The following ARHGAP15 variants were observed in gnomAD, a reference collection of about 807,000 sequenced individuals.
The protein encoded by ARHGAP15 is rho GTPase-activating protein 15.
A neutral mutation model predicts 63.7 loss-of-function variants in ARHGAP15; 51 were observed. That is an observed-to-expected ratio of 0.80 (90% CI 0.64 to 1.01). The LOEUF is 1.01. Ranked by LOEUF, ARHGAP15 falls within the 50% of genes least tolerant of loss-of-function variation. ARHGAP15 has a pLI of 0.00. For synonymous variants in ARHGAP15, 191 were observed against 193.8 expected (o/e 0.99, Z 0.12); for missense variants, 560 against 564.6 (o/e 0.99, Z 0.08).
intron 6 of ARHGAP15, among the ~76,000 whole-genome samples, chr2:143,378,103 C>T (rs142165093): frequency 8.4e-4 from 128 of 151,984 alleles, no homozygotes; most frequent in African/African-American, 2.9e-3. Flanking sequence ...TGAAGGGTCC[C>T]CCTCACCAAT....
intron 1 of ARHGAP15, among the ~76,000 whole-genome samples, chr2:143,151,099 G>T (rs757965230): frequency 9.9e-5 from 15 of 151,946 alleles, no homozygotes; most frequent in African/African-American, 1.4e-4. Flanking sequence ...GGAGTTCCTC[G>T]TTCTCTTTGA....
intron 6 of ARHGAP15, among the ~76,000 whole-genome samples, chr2:143,398,774 TCA>T (rs1295599816): frequency 1.3e-3 from 20 of 15,222 alleles, no homozygotes; most frequent in African/African-American, 5.2e-3. Flanking sequence ...AAAAAAATCC[TCA>T]TTTTTTTTTT....
chr2:143,358,595 A>G (rs1282290239), intron 6 of ARHGAP15, among the ~76,000 whole-genome samples: 1 of 151,406 alleles, frequency 6.6e-6, no homozygotes, highest in Non-Finnish European at 1.5e-5. Context: ...ACAAACCTGG[A>G]CCTTATAGAA....
At chr2:143,251,920 A>T (rs1005193151) in intron 6 of ARHGAP15, among the ~76,000 whole-genome samples, 8 of 152,196 alleles carry the variant, frequency 5.3e-5, no homozygotes, top group Non-Finnish European at 1.2e-4. Context: ...TACTCTTATT[A>T]TTCTACCATA....
At chr2:143,654,366 A>T (rs1681325094) in intron 12 of ARHGAP15, among the ~76,000 whole-genome samples, 1 of 152,152 alleles carries the variant, frequency 6.6e-6, no homozygotes, top group South Asian at 2.1e-4. Context: ...GGTCACTATA[A>T]CTTACTCAAA....
At chr2:143,184,146 C>T (rs148904252) in intron 2 of ARHGAP15, among the ~76,000 whole-genome samples, 1 of 152,040 alleles carries the variant, frequency 6.6e-6, no homozygotes, top group Admixed American at 6.5e-5. Flanking sequence ...GAATAGCATT[C>T]GACAGGGTGA....
intron 10 of ARHGAP15, among the ~76,000 whole-genome samples, chr2:143,551,562 AT>A (rs1695564123): frequency 6.6e-6 from 1 of 152,016 alleles, no homozygotes; most frequent in Admixed American, 6.6e-5. Context: ...TGTATTTTTT[AT>A]TGTTTTTTTA....
At chr2:143,149,170 C>T (rs1311218799) in intron 1 of ARHGAP15, among the ~76,000 whole-genome samples, 2 of 152,000 alleles carry the variant, frequency 1.3e-5, no homozygotes, top group Admixed American at 1.3e-4. Context: ...AACAGCTCCT[C>T]TAATACATGT....
intron 6 of ARHGAP15, among the ~76,000 whole-genome samples, chr2:143,285,933 G>A (rs952433634): frequency 1.1e-4 from 17 of 151,870 alleles, no homozygotes; most frequent in Non-Finnish European, 1.9e-4. Flanking sequence ...TTTTACATCC[G>A]TACAATATTT....
At chr2:143,618,949 C>T (rs1486140837) in intron 11 of ARHGAP15, among the ~76,000 whole-genome samples, 5 of 152,000 alleles carry the variant, frequency 3.3e-5, no homozygotes, top group East Asian at 1.9e-4. Context: ...CTCAGCCTCC[C>T]GAGTAGCTGG....
At chr2:143,457,186 A>C (rs77617554) in intron 8 of ARHGAP15, among the ~76,000 whole-genome samples, 1 of 152,098 alleles carries the variant, frequency 6.6e-6, no homozygotes, top group Non-Finnish European at 1.5e-5. Context: ...AGAAATCTGC[A>C]TATGTACAAA....
chr2:143,376,744 G>T (rs1317820251), intron 6 of ARHGAP15, among the ~76,000 whole-genome samples: 1 of 151,520 alleles, frequency 6.6e-6, no homozygotes, highest in African/African-American at 2.4e-5. Flanking sequence ...ACTTTCTTCT[G>T]GCTTTCTGTT....
chr2:143,688,949 C>T (rs570415518), intron 12 of ARHGAP15, among the ~76,000 whole-genome samples: 4 of 152,196 alleles, frequency 2.6e-5, no homozygotes, highest in African/African-American at 9.6e-5. Flanking sequence ...TTCTTAGAAC[C>T]TCACTGTCAT....
At chr2:143,680,370 C>T (rs767184301) in intron 12 of ARHGAP15, among the ~76,000 whole-genome samples, 3 of 152,174 alleles carry the variant, frequency 2.0e-5, no homozygotes, top group Non-Finnish European at 4.4e-5. Flanking sequence ...GCTTAAATTC[C>T]AGCTTGGTAT....
At position 143,134,104 on chromosome 2, in the gene ARHGAP15, A is replaced by AATCT. The variant is rs70982842; in HGVS notation, c.-15+4684_-15+4687dup. ...GTCCATGTAATTGTTTCTATTTGAA[A>AATCT]ATCTATCTATCTATCTATCTATCTA... On this transcript the variant is annotated intron_variant, in intron 1 of 13. Coordinates refer to ENST00000295095, the MANE Select transcript of ARHGAP15 (RefSeq NM_018460.4). Among the ~76,000 whole-genome samples the AATCT allele has an allele frequency of 7.5e-3, 1,064 of 141,324 alleles. 7 individuals are homozygous for AATCT. The highest frequency in any genetic ancestry group is 0.023 in the East Asian group (116 of 5,024). The allele number at this position is 141,324 out of a possible 152,430, so 92.7% of individuals were successfully genotyped here. A position where few individuals can be genotyped will look rare whatever the true frequency, so the allele number is the denominator to read the frequency against.
At chr2:143,600,252 A>G (rs1482401602) in intron 11 of ARHGAP15, among the ~76,000 whole-genome samples, 2 of 152,190 alleles carry the variant, frequency 1.3e-5, no homozygotes, top group South Asian at 4.1e-4. Flanking sequence ...AATATCACCA[A>G]GTTAAACTTA....
At chr2:143,292,844 C>T (rs1050935908) in intron 6 of ARHGAP15, among the ~76,000 whole-genome samples, 7 of 151,940 alleles carry the variant, frequency 4.6e-5, no homozygotes, top group African/African-American at 7.2e-5. Context: ...GGAAACACAA[C>T]TATAATTTAG....
chr2:143,718,336 A>G (rs1684901489), intron 13 of ARHGAP15, among the ~76,000 whole-genome samples: 1 of 152,122 alleles, frequency 6.6e-6, no homozygotes, highest in Admixed American at 6.5e-5. Flanking sequence ...CAAAGAAAGG[A>G]GGTTAGGGGC....
chr2:143,711,024 A>T (rs1206499722), intron 13 of ARHGAP15, among the ~76,000 whole-genome samples: 2 of 152,196 alleles, frequency 1.3e-5, no homozygotes, highest in East Asian at 3.8e-4. Flanking sequence ...AGTGTGGCCC[A>T]CAGGCCACAC....
Sources: allele counts gnomAD v4.1 joint callset (sites outside exome capture counted in the v4.1 genomes callset), GRCh38; gene constraint gnomAD v4.1.1; transcripts MANE v1.5; gene names NCBI Gene and HGNC (gene_info 2026-07-23, HGNC 2026-07-21).